The following TRIM16 variants were observed in gnomAD, a reference collection of about 807,000 sequenced individuals.
TRIM16 encodes the protein tripartite motif containing 16, also known as tripartite motif-containing protein 16.
In TRIM16, 33 loss-of-function variants were observed where a neutral mutation model predicts 50.4. That is an observed-to-expected ratio of 0.65 (90% CI 0.50 to 0.88). The LOEUF is 0.88. Ranked by LOEUF, TRIM16 falls within the 40% of genes least tolerant of loss-of-function variation. The pLI is 0.00. For missense variants in TRIM16, 581 were observed against 686.8 expected, an observed-to-expected ratio of 0.85 and a Z score of 1.72; for synonymous variants, 229 against 270.7, an observed-to-expected ratio of 0.85 and a Z score of 1.51.
At chr17:15,670,594 C>T (rs369804516) in intron 6 of TRIM16, among the ~76,000 whole-genome samples, 6 of 152,138 alleles carry the variant, frequency 3.9e-5, no homozygotes, top group East Asian at 1.9e-4. Context: ...TCCTCACTTG[C>T]AAAATAAAAG....
chr17:15,659,846 G>A lies in TRIM16; in HGVS notation c.-337-7900C>T, dbSNP rs543825252. Among the ~76,000 whole-genome samples the A allele has an allele frequency of 3.3e-5, 5 of 152,304 alleles. No individual in the cohort carries two copies. The South Asian group carries it at 1.0e-3, about 32-fold the overall frequency. ...GGCACCTCTAATCTTGCTATTTGCT[G>A]GGATACCACACATTCCAGGGAGCCG... is the stretch of plus-strand genomic sequence containing the variant. On this transcript the variant is annotated intron_variant, in intron 6 of 11. Transcript: ENST00000649191.
At position 15,677,617 on chromosome 17, in the gene TRIM16, T is replaced by C. The variant is rs761171249; in HGVS notation, c.-485A>G. 3 of 1,052,016 alleles carry C rather than the reference T, an allele frequency of 2.9e-6. No homozygotes were observed. The highest frequency in any genetic ancestry group is 4.0e-5 in the Admixed American group (1 of 25,056). 65.2% of individuals were successfully genotyped at this position (1,052,016 alleles called of 1,614,324 possible). On this transcript the variant is annotated 5_prime_UTR_variant, in exon 5 of 12. Coordinates refer to ENST00000649191, the MANE Select transcript of TRIM16 (RefSeq NM_001348119.1). ...CTATAGTTCTCCAGCATTACATCCC[T>C]GTACAAGACTCTCTGAGCAAGGTCC...
At chr17:15,665,415 A>G (rs943132570) in intron 6 of TRIM16, among the ~76,000 whole-genome samples, 7 of 152,320 alleles carry the variant, frequency 4.6e-5, no homozygotes, top group East Asian at 3.9e-4. Context: ...AGGCTGAGGC[A>G]GGAGAATGGC....
At chr17:15,649,530 C>T (rs2150917025) in intron 7 of TRIM16, among the ~76,000 whole-genome samples, 1 of 152,280 alleles carries the variant, frequency 6.6e-6, no homozygotes, top group South Asian at 2.1e-4. Flanking sequence ...TCATGATCTG[C>T]CTGCCTCGGC....
intron 4 of TRIM16, among the ~76,000 whole-genome samples, chr17:15,679,322 C>T (rs867016674): frequency 9.2e-5 from 14 of 152,064 alleles, no homozygotes; most frequent in Admixed American, 3.3e-4. Context: ...ATATGTCTGG[C>T]GAACAAAGAA....
chr17:15,634,173 C>CA (rs1986590768), intron 9 of TRIM16, among the ~76,000 whole-genome samples: 1 of 147,812 alleles, frequency 6.8e-6, no homozygotes, highest in African/African-American at 2.5e-5. Flanking sequence ...ACTAAAAATA[C>CA]AAAAAATTAG....
chr17:15,644,521 T>G (rs1987266635), intron 7 of TRIM16, among the ~76,000 whole-genome samples: 1 of 152,192 alleles, frequency 6.6e-6, no homozygotes, highest in Non-Finnish European at 1.5e-5. Context: ...CTTCATGATG[T>G]AGGCATGATT....
chr17:15,634,556 G>A (rs1255134045), intron 9 of TRIM16, among the ~76,000 whole-genome samples: 2 of 144,022 alleles, frequency 1.4e-5, no homozygotes, highest in South Asian at 2.3e-4. Flanking sequence ...GCTTGAACCC[G>A]GGAGGTGGAG....
chr17:15,654,964 TG>T (rs1210656019), intron 6 of TRIM16, among the ~76,000 whole-genome samples: 5 of 151,976 alleles, frequency 3.3e-5, no homozygotes, highest in African/African-American at 1.2e-4. Context: ...GTCCCGTCAT[TG>T]AAGTCCTTAT....
rs753238698 is a variant in TRIM16 at position 15,651,553 on chromosome 17, G to C, written c.57C>G (p.Pro19=). 7 of 1,614,040 alleles carry C rather than the reference G, an allele frequency of 4.3e-6. No homozygotes were observed. The highest frequency in any genetic ancestry group is 5.9e-6 in the Non-Finnish European group (7 of 1,179,954). The part of the protein sequence containing the change: ...PGPLPRATAQ[P]PAPLSPDSGS... ...CAGAGTCTGGGCTGAGAGGGGCTGG[G>C]GGCTGAGCAGTGGCCCTGGGCAGTG... The change falls in exon 7 of 12, where the codon CCC becomes CCG. Residue 19 remains proline, a synonymous_variant. Coordinates refer to ENST00000649191, the MANE Select transcript of TRIM16 (RefSeq NM_001348119.1).
intron 9 of TRIM16, among the ~76,000 whole-genome samples, chr17:15,635,367 C>A (rs1567670554): frequency 6.7e-6 from 1 of 148,848 alleles, no homozygotes; most frequent in African/African-American, 2.5e-5. Context: ...CTTTAGATCT[C>A]GTTCCAATGG....
At chr17:15,682,762 G>C in intron 3 of TRIM16, 92 bp downstream of exon 3, 2 of 1,216,764 alleles carry the variant, frequency 1.6e-6, no homozygotes, top group Non-Finnish European at 2.1e-6. Context: ...TGGTATAATG[G>C]AAAGAGTACG....
chr17:15,663,334 AT>A (rs1262890349), intron 6 of TRIM16, among the ~76,000 whole-genome samples: 6 of 152,116 alleles, frequency 3.9e-5, no homozygotes, highest in Non-Finnish European at 7.4e-5. Context: ...CTAGATACTT[AT>A]TTGTGGAGGT....
chr17:15,682,760 T>C, intron 3 of TRIM16, 94 bp downstream of exon 3: 4 of 1,206,132 alleles, frequency 3.3e-6, no homozygotes, highest in South Asian at 1.8e-5. Context: ...GGTGGTATAA[T>C]GGAAAGAGTA....
rs988316938 is a variant in TRIM16 at position 15,642,603 on chromosome 17, A to G, written c.615+118T>C. 73 of 1,304,062 alleles carry G rather than the reference A, an allele frequency of 5.6e-5. No individual in the cohort carries two copies. The African/African-American group carries it at 1.0e-3, about 18-fold the overall frequency. 80.8% of individuals were successfully genotyped at this position (1,304,062 alleles called of 1,614,324 possible). A position where few individuals can be genotyped will look rare whatever the true frequency, so the allele number is the denominator to read the frequency against. On this transcript the variant is annotated intron_variant, in intron 8 of 11. Transcript: ENST00000649191. ...GTGAGGCTACCGCATGGTGTAGTCA[A>G]CTGTACCTACAATTCTCATTTGTGG...
intron 7 of TRIM16, among the ~76,000 whole-genome samples, chr17:15,648,923 G>A (rs1441652564): frequency 6.6e-6 from 1 of 152,146 alleles, no homozygotes; most frequent in Admixed American, 6.5e-5. Flanking sequence ...GGGGAATGGG[G>A]TTTTAGCACT....
rs765288589 is a variant in TRIM16 at position 15,628,636 on chromosome 17, G to A, written c.1674C>T (p.Ser558=). The A allele has an allele frequency of 1.1e-5, 18 of 1,611,744 alleles. No individual in the cohort carries two copies. The highest frequency in any genetic ancestry group is 1.4e-5 in the Non-Finnish European group (17 of 1,178,688). ...LGEEPEKPAP[S]LVGTAP ...GAGTCTAGGGAGCAGTCCCCACCAA[G>A]GACGGTGCTGGCTTCTCGGGTTCCT... The change falls in exon 12 of 12, where the codon TCC becomes TCT. Residue 558 remains serine, a synonymous_variant. Transcript: ENST00000649191.
intron 7 of TRIM16, among the ~76,000 whole-genome samples, chr17:15,649,183 A>G (rs1411497050): frequency 7.7e-6 from 1 of 129,562 alleles, no homozygotes; most frequent in East Asian, 1.9e-4. Flanking sequence ...AGGAAATAAG[A>G]AAGTGTAGAC....
intron 10 of TRIM16, chr17:15,632,007 T>G (rs2150897085): frequency 2.4e-6 from 1 of 412,716 alleles, no homozygotes; most frequent in Non-Finnish European, 4.4e-6. Context: ...GCATGACTAA[T>G]TGTCCTTCTT....
Sources: gnomAD v4.1 joint callset for allele counts (sites outside exome capture counted in the v4.1 genomes callset) on GRCh38, gnomAD v4.1.1 for gene constraint, MANE v1.5 for transcripts, NCBI Gene and HGNC (gene_info 2026-07-23, HGNC 2026-07-21) for gene names.